GRAMD1A: variants seen among roughly 807,000 people sequenced by gnomAD.
GRAMD1A encodes the protein protein Aster-A.
A neutral mutation model predicts 92.0 loss-of-function variants in GRAMD1A; 50 were observed. The observed-to-expected ratio is 0.54, with a 90% confidence interval of 0.43 to 0.69. The LOEUF (loss-of-function observed/expected upper bound fraction) is 0.69. GRAMD1A is among the 30% of genes least tolerant of loss of function. The pLI is 0.00. For missense variants in GRAMD1A, 819 were observed against 978.9 expected (o/e 0.84, Z 2.18); for synonymous variants, 405 against 403.6 (o/e 1.00, Z -0.04).
rs367723194 is a variant in GRAMD1A at position 35,021,869 on chromosome 19, G to A, written c.1753+5G>A. On this transcript the variant is annotated splice_donor_5th_base_variant and intron_variant, in intron 15 of 19. Transcript: ENST00000317991. The surrounding 1 kb of genome is among the most constrained non-coding windows in gnomAD (Gnocchi z 5.3). The stretch of plus-strand genomic sequence containing the variant: ...GGGCCGGCATTCACACCTCGGGTAC[G>A]TTCCGTTGGGGCCGGGTTGGGGTAG... 2.7e-5 allele frequency: 44 copies of A among 1,604,502 alleles called. No individual in the cohort carries two copies. Among genetic ancestry groups the A allele is most frequent in the Middle Eastern group, 1.7e-4 (1 of 6,032 alleles).
At chr19:35,023,639 G>A (rs929609595) in intron 19 of GRAMD1A, 92 bp downstream of exon 19, 25 of 1,214,436 alleles carry the variant, frequency 2.1e-5, no homozygotes, top group African/African-American at 1.2e-4. Context: ...TCCCCTCTCC[G>A]GATCTCAGTG....
Position 35,022,862 on chromosome 19 carries a change from G to A in GRAMD1A, c.1842-38G>A, listed in dbSNP as rs200031351. 1.8e-4 allele frequency: 284 copies of A among 1,598,212 alleles called. 1 individual carries two copies. In the African/African-American group the frequency reaches 3.3e-3, roughly 19 times the overall value. On this transcript the variant is annotated intron_variant, in intron 16 of 19. Transcript: ENST00000317991. ...GGGTGTCGGGGGCAGGCCAGGCGGC[G>A]CTCATCTCTCTGTCTCCCCTCACTG...
rs993681889 is a variant in GRAMD1A, at chr19:35,009,233, G to A, written c.123G>A (p.Val41=). The stretch of plus-strand genomic sequence containing the variant: ...CTGAGCCAGAACCAGGCACCATGGT[G>A]GAGAAGGGATCAGATAGCTCCTCAG... The part of the protein sequence containing the change: ...PPPEPEPGTM[V]EKGSDSSSEK... Residue 41 remains valine, a synonymous_variant, in exon 2 of 20, where the codon GTG becomes GTA. Transcript: ENST00000317991. The A allele has an allele frequency of 6.2e-7, 1 of 1,613,930 alleles. No individual in the cohort carries two copies. Among genetic ancestry groups the A allele is most frequent in the East Asian group, 2.2e-5 (1 of 44,876 alleles).
In GRAMD1A at chr19:35,013,240, G is replaced by T. The variant is rs1600304489; in HGVS notation, c.607-16G>T. Reference sequence around the variant, plus strand: ...TGGGGTGAGATGGAGGCCAACCCCAGGTCCCGCCTCCCCAGACGCTGAGTC... The same window carrying T: ...TGGGGTGAGATGGAGGCCAACCCCATGTCCCGCCTCCCCAGACGCTGAGTC... On this transcript the variant is annotated splice_polypyrimidine_tract_variant and intron_variant, in intron 7 of 19. Transcript: ENST00000317991. This position sits in a 1 kb window ranked among gnomAD's most constrained non-coding sequence, Gnocchi z 4.9. The T allele has an allele frequency of 6.9e-7, 1 of 1,450,670 alleles. No homozygotes were observed. The highest frequency in any genetic ancestry group is 2.5e-5 in the East Asian group (1 of 40,100). 89.9% of individuals were successfully genotyped at this position (1,450,670 alleles called of 1,614,324 possible).
At chr19:35,019,854 C>T (rs1369493059) in intron 13 of GRAMD1A, among the ~76,000 whole-genome samples, 1 of 152,214 alleles carries the variant, frequency 6.6e-6, no homozygotes, top group African/African-American at 2.4e-5. Flanking sequence ...GCAGAACATT[C>T]ACTGGCAGTT....
At chr19:35,009,745 C>T in intron 3 of GRAMD1A, 143 bp from the exon 4 acceptor site, 1 of 682,608 alleles carries the variant, frequency 1.5e-6, no homozygotes, top group Non-Finnish European at 2.6e-6. Context: ...CTGTAAATGG[C>T]AGCTGTCATT....
Position 35,021,623 on chromosome 19 carries a change from G to T in GRAMD1A, c.1579+18G>T. 1 of 1,613,338 alleles carries T rather than the reference G, an allele frequency of 6.2e-7. No individual in the cohort carries two copies. Among genetic ancestry groups the T allele is most frequent in the Non-Finnish European group, 8.5e-7 (1 of 1,179,272 alleles). ...CCATCTGGGTAGGGACAGAAGGCCG[G>T]CTGGGGCGTGGGTTGGGGGATGGCC... On this transcript the variant is annotated intron_variant, in intron 14 of 19. Transcript: ENST00000317991. This position sits in a 1 kb window ranked among gnomAD's most constrained non-coding sequence, Gnocchi z 5.3.
chr19:35,014,428 C>T, intron 10 of GRAMD1A, 41 bp downstream of exon 10: 1 of 1,551,218 alleles, frequency 6.4e-7, no homozygotes, highest in Non-Finnish European at 8.9e-7. Flanking sequence ...CCGGTACTTG[C>T]AAGCCTCGCT....
intron 1 of GRAMD1A, among the ~76,000 whole-genome samples, chr19:35,003,474 C>T (rs1362707453): frequency 6.6e-5 from 10 of 152,096 alleles, no homozygotes; most frequent in Admixed American, 5.2e-4. Context: ...CCGCAGGGTC[C>T]GCCCTTGAGT....
Position 35,013,224 on chromosome 19 carries a change from A to G in GRAMD1A, c.607-32A>G, listed in dbSNP as rs949315687. On this transcript the variant is annotated intron_variant, in intron 7 of 19. Coordinates refer to ENST00000317991, the MANE Select transcript of GRAMD1A (RefSeq NM_020895.5). The surrounding 1 kb of genome is among the most constrained non-coding windows in gnomAD (Gnocchi z 4.9). Reference sequence around the variant, plus strand: ...CGGGCCGGGCTCTGGCTGGGGTGAGATGGAGGCCAACCCCAGGTCCCGCCT... The same window carrying G: ...CGGGCCGGGCTCTGGCTGGGGTGAGGTGGAGGCCAACCCCAGGTCCCGCCT... 1.8e-5 allele frequency: 22 copies of G among 1,217,702 alleles called. No individual in the cohort carries two copies. The African/African-American group carries it at 3.0e-4, about 17-fold the overall frequency. 75.4% of individuals were successfully genotyped at this position (1,217,702 alleles called of 1,614,324 possible).
Position 35,000,555 on chromosome 19 carries a change from GC to G in GRAMD1A, c.8+70del. On this transcript the variant is annotated intron_variant, in intron 1 of 19. Transcript: ENST00000317991. This position sits in a 1 kb window ranked among gnomAD's most constrained non-coding sequence, Gnocchi z 4.9. ...GAGGCCACCGGAGGGAGGGGGCGCC[GC>G]GGGCTTGGGGAGGGGGCGGAGCGGC... is the stretch of plus-strand genomic sequence containing the variant. The G allele has an allele frequency of 8.4e-7, 1 of 1,192,748 alleles. No homozygotes were observed. 73.9% of individuals were successfully genotyped at this position (1,192,748 alleles called of 1,614,324 possible).
At chr19:35,011,106 A>G (rs2015204597) in intron 6 of GRAMD1A, among the ~76,000 whole-genome samples, 1 of 151,408 alleles carries the variant, frequency 6.6e-6, no homozygotes, top group Non-Finnish European at 1.5e-5. Context: ...TGTCTCAAAA[A>G]AAAAAAAAAA....
chr19:35,013,623 C>T lies in GRAMD1A; in HGVS notation c.802C>T (p.Pro268Ser), dbSNP rs2015410653. Residue 268 changes from proline to serine, a missense_variant, in exon 9 of 20, where the codon CCA (proline) becomes TCA (serine). Coordinates refer to ENST00000317991, the MANE Select transcript of GRAMD1A (RefSeq NM_020895.5). This position sits in a 1 kb window ranked among gnomAD's most constrained non-coding sequence, Gnocchi z 4.9. ...GAADRSQEPS[P>S]VGSRRGHVTP... ...AGCTGACCGCAGCCAGGAGCCAAGC[C>T]CAGTGGGTTCGCGCCGTGGCCATGT... 1 of 1,613,610 alleles carries T rather than the reference C, an allele frequency of 6.2e-7. No individual in the cohort carries two copies. The highest frequency in any genetic ancestry group is 2.2e-5 in the East Asian group (1 of 44,894).
chr19:35,000,252 GC>G, upstream of GRAMD1A: 1 of 1,025,972 alleles, frequency 9.7e-7, no homozygotes, highest in South Asian at 4.6e-5. This position sits in a 1 kb window ranked among gnomAD's most constrained non-coding sequence, Gnocchi z 4.9. Flanking sequence ...TGGGGGCGGC[GC>G]CGTGACGCGG....
upstream of GRAMD1A, chr19:34,998,745 T>G: frequency 7.2e-6 from 1 of 139,540 alleles, no homozygotes; most frequent in Non-Finnish European, 1.5e-5. Flanking sequence ...AGGCAGCAAA[T>G]GTCAGATGGT....
upstream of GRAMD1A, chr19:34,995,896 T>C (rs2014016190): frequency 1.3e-6 from 1 of 772,968 alleles, no homozygotes; most frequent in Non-Finnish European, 2.0e-6. Flanking sequence ...AACTGTGCTC[T>C]TAATCATAGC....
chr19:35,016,600 A>G, intron 11 of GRAMD1A, among the ~76,000 whole-genome samples: 1 of 94,664 alleles, frequency 1.1e-5, no homozygotes, highest in African/African-American at 4.3e-5. Flanking sequence ...TCTCAAAAAA[A>G]CAGGGGCGGG....
At chr19:35,009,824 C>T in intron 3 of GRAMD1A, 64 bp from the exon 4 acceptor site, 1 of 972,970 alleles carries the variant, frequency 1.0e-6, no homozygotes, top group East Asian at 2.4e-5. Context: ...GTTCCAGGAG[C>T]TTTGTGGGGC....
upstream of GRAMD1A, among the ~76,000 whole-genome samples, chr19:34,999,205 G>C (rs79018908): frequency 1.9e-3 from 287 of 152,230 alleles, 1 homozygote; most frequent in East Asian, 0.018. Context: ...GATTTTATAC[G>C]TGGAGCCCAC....
Sources: gnomAD v4.1 joint callset for allele counts (sites outside exome capture counted in the v4.1 genomes callset) on GRCh38, gnomAD v4.1.1 for gene constraint, Gnocchi (gnomAD v3.1) non-coding constraint, MANE v1.5 for transcripts, NCBI Gene and HGNC (gene_info 2026-07-23, HGNC 2026-07-21) for gene names.